The following CACNA1C variants were observed in gnomAD, a reference collection of about 807,000 sequenced individuals.
CACNA1C encodes calcium voltage-gated channel subunit alpha1 C.
Under a neutral mutation model 229.0 loss-of-function variants are expected in CACNA1C, and 30 were observed. That is an observed-to-expected ratio of 0.13 (90% CI 0.10 to 0.18). The LOEUF (loss-of-function observed/expected upper bound fraction) is 0.18. Among genes scored for constraint, CACNA1C ranks in the 10% least tolerant of loss-of-function variants. The probability of loss-of-function intolerance (pLI) is 1.00; values close to 1 mark genes in which losing one functional copy is unlikely to be tolerated. For missense variants in CACNA1C, 1,658 were observed against 2,845.0 expected (o/e 0.58, Z 9.49); for synonymous variants, 1,114 against 1,132.5 (o/e 0.98, Z 0.33).
chr12:2,070,837 TTC>T (rs2060910346), intron 1 of CACNA1C, among the ~76,000 whole-genome samples: 1 of 152,070 alleles, frequency 6.6e-6, no homozygotes, highest in Admixed American at 6.6e-5. Flanking sequence ...TTCTTTTTTT[TTC>T]TTTCTTTCTC....
In CACNA1C at chr12:2,347,081, A is replaced by G. The variant is rs908464771; in HGVS notation, c.478-101895A>G. On this transcript the variant is annotated intron_variant, in intron 3 of 46. Transcript: ENST00000399655. ...GTTTTAGCCTGTCTGAACTCTTGTT[A>G]TAATTCTTTGCTCCCCTATGTTCCT... 1.2e-4 allele frequency among the ~76,000 whole-genome samples: 18 copies of G among 152,300 alleles called. No homozygotes were observed. In the South Asian group the frequency reaches 1.2e-3, roughly 11 times the overall value.
intron 29 of CACNA1C, among the ~76,000 whole-genome samples, chr12:2,626,745 A>T (rs564515819): frequency 6.6e-6 from 1 of 151,796 alleles, no homozygotes; most frequent in South Asian, 2.1e-4. Flanking sequence ...GCCTCCTGAG[A>T]CCCCCAAATG....
At chr12:2,358,381 A>G (rs773482117) in intron 3 of CACNA1C, among the ~76,000 whole-genome samples, 3 of 152,096 alleles carry the variant, frequency 2.0e-5, no homozygotes, top group Admixed American at 6.5e-5. Context: ...GTTTCTTGGC[A>G]TGTAATTACA....
At chr12:2,041,914 C>G (rs947557717) in intron 1 of CACNA1C, among the ~76,000 whole-genome samples, 1 of 152,278 alleles carries the variant, frequency 6.6e-6, no homozygotes, top group South Asian at 2.1e-4. Context: ...CAGATCCCCC[C>G]AAAAGAGTTG....
rs1462472951 is a variant in CACNA1C at position 2,078,188 on chromosome 12, T to TG, written c.49+24578dup. ...AGAGAGCTTGCTCTCACTTTCTCCC[T>TG]GCCACGTGAGGACACAGAGAGAAGG... On this transcript the variant is annotated intron_variant, in intron 1 of 46. Coordinates refer to ENST00000399655, the MANE Select transcript of CACNA1C (RefSeq NM_000719.7). Among the ~76,000 whole-genome samples, 3 of 152,306 alleles carry TG rather than the reference T, an allele frequency of 2.0e-5. No individual in the cohort carries two copies. In the East Asian group the frequency reaches 5.8e-4, roughly 29 times the overall value.
intron 3 of CACNA1C, among the ~76,000 whole-genome samples, chr12:2,326,022 G>A (rs547203734): frequency 2.6e-5 from 4 of 152,204 alleles, no homozygotes; most frequent in Non-Finnish European, 5.9e-5. Context: ...GGGCACACAA[G>A]GGCCTGCAGA....
chr12:2,471,049 C>G (rs1164041184), intron 5 of CACNA1C, among the ~76,000 whole-genome samples: 1 of 152,204 alleles, frequency 6.6e-6, no homozygotes, highest in Non-Finnish European at 1.5e-5. Flanking sequence ...CCAGGCAGGT[C>G]TTGAATTCCT....
chr12:2,327,340 G>C (rs1282453558), intron 3 of CACNA1C, among the ~76,000 whole-genome samples: 1 of 152,220 alleles, frequency 6.6e-6, no homozygotes, highest in Non-Finnish European at 1.5e-5. Flanking sequence ...GAAACACACT[G>C]CCAGGCATCT....
intron 3 of CACNA1C, among the ~76,000 whole-genome samples, chr12:2,345,793 C>T (rs1320693570): frequency 1.3e-5 from 2 of 152,120 alleles, no homozygotes; most frequent in Non-Finnish European, 2.9e-5. Context: ...TCATATGGTA[C>T]AGCCGTGATC....
chr12:2,377,457 T>A (rs997433507), intron 3 of CACNA1C, among the ~76,000 whole-genome samples: 4 of 152,144 alleles, frequency 2.6e-5, no homozygotes, highest in Non-Finnish European at 5.9e-5. Flanking sequence ...CCGACCAGCC[T>A]AGCCTTACAG....
chr12:2,650,059 G>A (rs112487652), intron 31 of CACNA1C, among the ~76,000 whole-genome samples: 2,599 of 152,240 alleles, frequency 0.017, 76 homozygotes, highest in African/African-American at 0.058. Flanking sequence ...AGCAGGTCCC[G>A]AGTCCCACCT....
intron 1 of CACNA1C, among the ~76,000 whole-genome samples, chr12:2,058,820 G>A (rs2056312830): frequency 6.6e-6 from 1 of 152,172 alleles, no homozygotes; most frequent in Non-Finnish European, 1.5e-5. Context: ...AAAATGGAAG[G>A]CTGAAATAAT....
chr12:2,541,580 C>T (rs951112372), intron 9 of CACNA1C, among the ~76,000 whole-genome samples: 1 of 152,132 alleles, frequency 6.6e-6, no homozygotes, highest in African/African-American at 2.4e-5. Flanking sequence ...GCTCCCGATA[C>T]CCCCAGCCAC....
chr12:2,500,221 G>A (rs1341154190), intron 7 of CACNA1C, among the ~76,000 whole-genome samples: 2 of 152,186 alleles, frequency 1.3e-5, no homozygotes, highest in Admixed American at 6.5e-5. Flanking sequence ...AGTGTGGGAC[G>A]GCGAGGGGGA....
At chr12:2,442,118 T>C (rs1371555827) in intron 3 of CACNA1C, among the ~76,000 whole-genome samples, 1 of 152,218 alleles carries the variant, frequency 6.6e-6, no homozygotes, top group Non-Finnish European at 1.5e-5. Flanking sequence ...TTCTCATCAG[T>C]AAAGACTCAT....
intron 3 of CACNA1C, among the ~76,000 whole-genome samples, chr12:2,391,957 G>A (rs180987036): frequency 1.5e-4 from 23 of 152,342 alleles, no homozygotes; most frequent in African/African-American, 4.8e-4. Flanking sequence ...GGCACAGAGC[G>A]TTCCCGTGTT....
chr12:2,062,781 C>A (rs962401645), intron 1 of CACNA1C, among the ~76,000 whole-genome samples: 1 of 152,148 alleles, frequency 6.6e-6, no homozygotes, highest in East Asian at 1.9e-4. Context: ...CCTTGCTTCA[C>A]CACCCATTCT....
At chr12:2,436,683 TGATAA>T (rs2099138058) in intron 3 of CACNA1C, among the ~76,000 whole-genome samples, 1 of 152,210 alleles carries the variant, frequency 6.6e-6, no homozygotes, top group Admixed American at 6.5e-5. Flanking sequence ...CCCAAATGGC[TGATAA>T]GGGGTGGAAG....
rs770221440 is a variant in CACNA1C at position 2,688,572 on chromosome 12, C to G, written c.5910C>G (p.Pro1970=). Residue 1970 remains proline, a synonymous_variant, in exon 46 of 47, where the codon CCC becomes CCG. Transcript: ENST00000399655. ...GAGGCTGGCCCCCACAGCCCGTCCC[C>G]ACCCTGCGGCTTGAGGGGGTCGAGT... ...GSRGWPPQPV[P]TLRLEGVESS... is the part of the protein sequence containing the mutation. 1 of 1,614,038 alleles carries G rather than the reference C, an allele frequency of 6.2e-7. No homozygotes were observed. The highest frequency in any genetic ancestry group is 8.5e-7 in the Non-Finnish European group (1 of 1,179,902).
Sources: gnomAD v4.1 joint callset for allele counts (sites outside exome capture counted in the v4.1 genomes callset) on GRCh38, gnomAD v4.1.1 for gene constraint, MANE v1.5 for transcripts, NCBI Gene and HGNC (gene_info 2026-07-23, HGNC 2026-07-21) for gene names.